Variants in DISC1 observed in about 807,000 individuals in gnomAD.
The protein encoded by DISC1 is DISC1 scaffold protein, also known as disrupted in schizophrenia 1 protein.
A neutral mutation model predicts 84.5 loss-of-function variants in DISC1; 57 were observed. The ratio of observed to expected loss-of-function variants is 0.67; its 90% CI spans 0.55 to 0.84. The LOEUF (loss-of-function observed/expected upper bound fraction) is 0.84, where lower values mean the gene tolerates loss of function less well. DISC1 is among the 40% of genes least tolerant of loss of function. The pLI is 0.00. For missense variants in DISC1, 1,000 were observed against 1,057.8 expected (o/e 0.95, Z 0.76); for synonymous variants, 411 against 415.2 (o/e 0.99, Z 0.12).
At chr1:231,654,413 T>G (rs551224382) in intron 1 of DISC1, among the ~76,000 whole-genome samples, 63 of 152,296 alleles carry the variant, frequency 4.1e-4, no homozygotes, top group African/African-American at 1.4e-3. Context: ...ATGAAATGAT[T>G]AAACCAAGCT....
intron 9 of DISC1, among the ~76,000 whole-genome samples, chr1:231,852,848 TG>T (rs1392080731): frequency 3.3e-5 from 5 of 152,232 alleles, no homozygotes; most frequent in Admixed American, 1.3e-4. Context: ...CAGGGATTTT[TG>T]TTTTTAACAT....
At chr1:231,947,705 C>G (rs188495865) in intron 9 of DISC1, among the ~76,000 whole-genome samples, 4 of 152,248 alleles carry the variant, frequency 2.6e-5, no homozygotes, top group Non-Finnish European at 5.9e-5. Context: ...TGCAATCTAT[C>G]CATCTGACAA....
chr1:231,739,886 G>A (rs1175897354), intron 3 of DISC1, among the ~76,000 whole-genome samples: 1 of 152,184 alleles, frequency 6.6e-6, no homozygotes, highest in East Asian at 1.9e-4. Flanking sequence ...CCATTGAGGT[G>A]TGAAATGGAC....
In DISC1 at chr1:231,694,089, G is replaced by T. The variant is rs757423806; in HGVS notation, c.331G>T (p.Val111Leu). The T allele has an allele frequency of 6.8e-6, 11 of 1,614,104 alleles. No individual in the cohort carries two copies. In the East Asian group the frequency reaches 2.2e-4, roughly 33 times the overall value. The stretch of plus-strand genomic sequence containing the variant: ...TGCAGCAGCCCCTACTGTGACCTCT[G>T]TGAGAGGAACCTCGGCGCACTTTGG... ...KSAAAPTVTS[V>L]RGTSAHFGIQ... The change falls in exon 2 of 13, where the codon GTG becomes TTG. Residue 111 changes from valine to leucine, a missense_variant. Physicochemically the swap from Val to Leu is conservative, Grantham distance 32 (BLOSUM62 1). Around this residue, in one of 3 missense-constraint regions of DISC1, gnomAD observed 292 missense variants for 280.2 expected, o/e 1.04. Coordinates refer to ENST00000439617, the MANE Select transcript of DISC1 (RefSeq NM_018662.3).
chr1:231,896,282 C>G (rs761915321), intron 9 of DISC1, among the ~76,000 whole-genome samples: 1 of 152,018 alleles, frequency 6.6e-6, no homozygotes, highest in African/African-American at 2.4e-5. Flanking sequence ...ACTTGGGGTC[C>G]GGGGCAGGCT....
intron 9 of DISC1, among the ~76,000 whole-genome samples, chr1:231,863,389 C>G (rs1298538544): frequency 6.6e-6 from 1 of 151,714 alleles, no homozygotes; most frequent in Non-Finnish European, 1.5e-5. Context: ...CGCCACCATG[C>G]CTGGCTAATT....
chr1:231,653,782 A>G (rs1426683392), intron 1 of DISC1, among the ~76,000 whole-genome samples: 1 of 152,172 alleles, frequency 6.6e-6, no homozygotes, highest in African/African-American at 2.4e-5. Context: ...TGTCTTCCCC[A>G]TCACATCTAA....
chr1:231,773,765 A>T (rs893666067), intron 6 of DISC1, among the ~76,000 whole-genome samples: 1 of 152,174 alleles, frequency 6.6e-6, no homozygotes, highest in African/African-American at 2.4e-5. Flanking sequence ...ATATATGAGG[A>T]TGATCTTGAA....
At chr1:231,734,695 A>G (rs2072245771) in intron 3 of DISC1, among the ~76,000 whole-genome samples, 1 of 152,224 alleles carries the variant, frequency 6.6e-6, no homozygotes, top group Non-Finnish European at 1.5e-5. Flanking sequence ...GTGTCAGCAA[A>G]GCAACAAATA....
intron 10 of DISC1, among the ~76,000 whole-genome samples, chr1:231,982,160 G>T (rs1663695600): frequency 6.6e-6 from 1 of 152,186 alleles, no homozygotes; most frequent in Non-Finnish European, 1.5e-5. Context: ...TTTAATTAAT[G>T]AGTCTTAGTG....
intron 9 of DISC1, among the ~76,000 whole-genome samples, chr1:231,878,099 A>C (rs2086026959): frequency 6.6e-6 from 1 of 152,250 alleles, no homozygotes; most frequent in African/African-American, 2.4e-5. Flanking sequence ...TCATTCTTTT[A>C]TTAATATTTA....
chr1:231,884,144 C>A (rs181434086), intron 9 of DISC1, among the ~76,000 whole-genome samples: 27 of 152,254 alleles, frequency 1.8e-4, no homozygotes, highest in Non-Finnish European at 3.1e-4. Context: ...TGGTGCAGTT[C>A]CCAGGGACTG....
At chr1:231,650,770 CTT>C (rs1459190612) in intron 1 of DISC1, among the ~76,000 whole-genome samples, 2 of 152,116 alleles carry the variant, frequency 1.3e-5, no homozygotes, top group African/African-American at 4.8e-5. Context: ...TCTTTTTACT[CTT>C]TTTTCTCTAA....
At chr1:231,697,430 T>G (rs1468958927) in intron 2 of DISC1, among the ~76,000 whole-genome samples, 1 of 152,030 alleles carries the variant, frequency 6.6e-6, no homozygotes, top group East Asian at 1.9e-4. Flanking sequence ...AGCACTTTTA[T>G]GGTCATTTTT....
chr1:231,771,536 T>C (rs547626717), intron 6 of DISC1: 131 of 985,456 alleles, frequency 1.3e-4, no homozygotes, highest in Middle Eastern at 5.2e-4. Context: ...CTAAAATGTA[T>C]TGGGTGCTTA....
chr1:231,629,913 G>A (rs1362876230), intron 1 of DISC1, among the ~76,000 whole-genome samples: 1 of 151,934 alleles, frequency 6.6e-6, no homozygotes, highest in Non-Finnish European at 1.5e-5. Context: ...GCAAAGAGAG[G>A]GTACAATGGT....
chr1:231,658,868 C>T (rs1056794015), intron 1 of DISC1, among the ~76,000 whole-genome samples: 2 of 152,040 alleles, frequency 1.3e-5, no homozygotes, highest in Non-Finnish European at 2.9e-5. Context: ...TGTGCTGCTG[C>T]ATTCAGTTTG....
At chr1:231,804,054 G>T (rs2079516270) in intron 8 of DISC1, among the ~76,000 whole-genome samples, 1 of 150,650 alleles carries the variant, frequency 6.6e-6, no homozygotes. Context: ...AAGTCACTAA[G>T]TTCAGTTCAG....
chr1:231,872,471 T>C (rs925109396), intron 9 of DISC1, among the ~76,000 whole-genome samples: 2 of 152,170 alleles, frequency 1.3e-5, no homozygotes, highest in South Asian at 4.1e-4. Context: ...GTCTGATGCT[T>C]TGGCTGCAGA....
Sources: allele counts gnomAD v4.1 joint callset (sites outside exome capture counted in the v4.1 genomes callset), GRCh38; gene constraint gnomAD v4.1.1; regional missense constraint gnomAD v4.1.1; transcripts MANE v1.5; gene names NCBI Gene and HGNC (gene_info 2026-07-23, HGNC 2026-07-21).